The following PARP11 variants were observed in gnomAD, a reference collection of about 807,000 sequenced individuals.
The protein encoded by PARP11 is poly(ADP-ribose) polymerase family member 11.
In PARP11, 31 loss-of-function variants were observed where a neutral mutation model predicts 42.9. That is an observed-to-expected ratio of 0.72 (90% CI 0.54 to 0.98). The LOEUF (loss-of-function observed/expected upper bound fraction) is 0.98. Ranked by LOEUF, PARP11 falls within the 50% of genes least tolerant of loss-of-function variation. The pLI is 0.00. For missense variants in PARP11, 365 were observed against 413.1 expected (o/e 0.88, Z 1.01); for synonymous variants, 137 against 127.3 (o/e 1.08, Z -0.51).
chr12:3,860,084 G>A (rs980926274), intron 1 of PARP11, among the ~76,000 whole-genome samples: 15 of 152,178 alleles, frequency 9.9e-5, no homozygotes, highest in Non-Finnish European at 1.8e-4. Context: ...TAAAGATGCA[G>A]AAAATTCTCA....
chr12:3,843,007 A>G (rs1458288390), intron 1 of PARP11, among the ~76,000 whole-genome samples: 13 of 152,224 alleles, frequency 8.5e-5, no homozygotes, highest in Admixed American at 1.3e-4. Context: ...GGGCTCAGAC[A>G]ATTCTCAGCC....
intron 4 of PARP11, 87 bp downstream of exon 4, chr12:3,826,071 C>T (rs1947514866): frequency 1.3e-6 from 1 of 780,572 alleles, no homozygotes; most frequent in Non-Finnish European, 2.1e-6. Flanking sequence ...AAATGACCTA[C>T]CAAAATATTT....
intron 6 of PARP11, among the ~76,000 whole-genome samples, chr12:3,816,160 C>G (rs1468477959): frequency 6.6e-6 from 1 of 152,102 alleles, no homozygotes; most frequent in African/African-American, 2.4e-5. Context: ...AAACAAGGCG[C>G]ATTTGTTCCC....
intron 1 of PARP11, among the ~76,000 whole-genome samples, chr12:3,834,714 A>G (rs1277378917): frequency 2.0e-5 from 3 of 151,936 alleles, no homozygotes; most frequent in African/African-American, 7.3e-5. Flanking sequence ...GAGCTCCAAT[A>G]TAAGCAGAAA....
chr12:3,818,517 T>C (rs1425015269), intron 6 of PARP11, among the ~76,000 whole-genome samples: 6 of 152,200 alleles, frequency 3.9e-5, no homozygotes, highest in African/African-American at 1.4e-4. Flanking sequence ...ATAGGTCCTT[T>C]CCAATTACAA....
chr12:3,840,271 A>G lies in PARP11; in HGVS notation c.19-10253T>C. ...TTTGGTTGAAGAACTGGGAAAGTAC[A>G]CATCAAAGAACCTCAAGGCACCTCC... On this transcript the variant is annotated intron_variant, in intron 1 of 7. Transcript: ENST00000228820. This position sits in a 1 kb window ranked among gnomAD's most constrained non-coding sequence, Gnocchi z 4.4. 6.2e-7 allele frequency: 1 copy of G among 1,613,932 alleles called. No homozygotes were observed. Among genetic ancestry groups the G allele is most frequent in the East Asian group, 2.2e-5 (1 of 44,884 alleles).
At chr12:3,825,796 G>A (rs930525982) in intron 4 of PARP11, among the ~76,000 whole-genome samples, 1 of 151,912 alleles carries the variant, frequency 6.6e-6, no homozygotes, top group Non-Finnish European at 1.5e-5. Context: ...GTGCCATCTC[G>A]GCTCACTTCA....
At chr12:3,852,227 T>A (rs1427462457) in intron 1 of PARP11, among the ~76,000 whole-genome samples, 2 of 152,176 alleles carry the variant, frequency 1.3e-5, no homozygotes, top group Non-Finnish European at 2.9e-5. Flanking sequence ...GCACCTCTTC[T>A]CCTCCAAAGG....
intron 1 of PARP11, among the ~76,000 whole-genome samples, chr12:3,867,855 G>C (rs950893644): frequency 1.9e-4 from 29 of 152,268 alleles, no homozygotes; most frequent in Non-Finnish European, 2.9e-5. Context: ...TAATATTACA[G>C]GCTTCTCAAT....
chr12:3,837,909 TA>T (rs972855370), intron 1 of PARP11, among the ~76,000 whole-genome samples: 1 of 151,642 alleles, frequency 6.6e-6, no homozygotes, highest in Non-Finnish European at 1.5e-5. Flanking sequence ...GACATAATTA[TA>T]AATATCTATG....
intron 1 of PARP11, among the ~76,000 whole-genome samples, chr12:3,855,635 C>T (rs1026806864): frequency 2.0e-5 from 3 of 152,138 alleles, no homozygotes; most frequent in Non-Finnish European, 4.4e-5. Context: ...AGGACACAAA[C>T]GAATGGAAGA....
chr12:3,863,901 T>TAA (rs1315830245), intron 1 of PARP11: 1 of 152,142 alleles, frequency 6.6e-6, no homozygotes, highest in Non-Finnish European at 1.5e-5. Context: ...ATTGCTAGTA[T>TAA]AAACAATCTG....
chr12:3,839,501 C>T lies in PARP11; in HGVS notation c.19-9483G>A. The T allele has an allele frequency of 6.2e-6, 10 of 1,604,142 alleles. No individual in the cohort carries two copies. The South Asian group carries it at 7.7e-5, about 12-fold the overall frequency. ...TCTCGCCATGTTGAAGTCAGAATGG[C>T]CTGTATTCACTGTCTTCGAGAGAAC... is the stretch of plus-strand genomic sequence containing the variant. On this transcript the variant is annotated intron_variant, in intron 1 of 7. Transcript: ENST00000228820.
At chr12:3,841,195 G>A in intron 1 of PARP11, 2 of 1,543,172 alleles carry the variant, frequency 1.3e-6, no homozygotes, top group Admixed American at 1.7e-5. Flanking sequence ...TAATGAAAAG[G>A]GAGATCGAGC....
chr12:3,812,180 G>A lies in PARP11; in HGVS notation c.960C>T (p.Ile320=), dbSNP rs769437884. 6.2e-7 allele frequency: 1 copy of A among 1,614,004 alleles called. No homozygotes were observed. The highest frequency in any genetic ancestry group is 2.2e-5 in the East Asian group (1 of 44,864). Residue 320 remains isoleucine, a synonymous_variant, in exon 8 of 8, where the codon ATC becomes ATT. Transcript: ENST00000228820. ...TTTGGTTGGCATCAAAAACCACAAA[G>A]ATCTTTGGGTTCCAGGTATCATCCA... ...SCVDDTWNPK[I]FVVFDANQIY...
intron 1 of PARP11, among the ~76,000 whole-genome samples, chr12:3,871,217 T>C (rs959904530): frequency 3.3e-5 from 5 of 152,166 alleles, no homozygotes; most frequent in Non-Finnish European, 7.3e-5. Context: ...TTATTGCAAA[T>C]ATGGAAATTA....
intron 1 of PARP11, chr12:3,839,355 CCG>C (rs1947840385): frequency 6.5e-7 from 1 of 1,537,048 alleles, no homozygotes; most frequent in Admixed American, 2.0e-5. Flanking sequence ...GCGCGGGGCC[CCG>C]CGAGGACGCG....
intron 1 of PARP11, among the ~76,000 whole-genome samples, chr12:3,850,968 G>C (rs992386080): frequency 6.6e-6 from 1 of 152,168 alleles, no homozygotes; most frequent in South Asian, 2.1e-4. Flanking sequence ...ACAAAATCTT[G>C]TTCATGTATT....
chr12:3,853,256 AATGACAG>A (rs1948130104), intron 1 of PARP11, among the ~76,000 whole-genome samples: 1 of 152,220 alleles, frequency 6.6e-6, no homozygotes, highest in African/African-American at 2.4e-5. Context: ...CTAACATCAT[AATGACAG>A]AATCCGATTC....
Sources: gnomAD v4.1 joint callset for allele counts (sites outside exome capture counted in the v4.1 genomes callset) on GRCh38, gnomAD v4.1.1 for gene constraint, Gnocchi (gnomAD v3.1) non-coding constraint, MANE v1.5 for transcripts, NCBI Gene and HGNC (gene_info 2026-07-23, HGNC 2026-07-21) for gene names.